Variants in UBE2L6 observed in about 807,000 individuals in gnomAD.
The protein encoded by UBE2L6 is ubiquitin/ISG15-conjugating enzyme E2 L6.
In UBE2L6, 11 loss-of-function variants were observed where a neutral mutation model predicts 13.6. The observed-to-expected ratio is 0.81, with a 90% confidence interval of 0.51 to 1.34. The LOEUF (loss-of-function observed/expected upper bound fraction) is 1.34, where lower values mean the gene tolerates loss of function less well. UBE2L6 is among the 40% of genes most tolerant of loss of function. UBE2L6 has a pLI of 0.00. For synonymous variants in UBE2L6, 74 were observed against 83.2 expected (o/e 0.89, Z 0.60); for missense variants, 197 against 199.5 (o/e 0.99, Z 0.07).
At position 57,552,133 on chromosome 11, in the gene UBE2L6, G is replaced by T. The variant is rs1009519567; in HGVS notation, c.*225C>A. The T allele has an allele frequency of 1.7e-6, 1 of 585,274 alleles. No individual in the cohort carries two copies. The highest frequency in any genetic ancestry group is 3.0e-6 in the Non-Finnish European group (1 of 338,644). 36.3% of individuals were successfully genotyped at this position (585,274 alleles called of 1,614,324 possible). On this transcript the variant is annotated 3_prime_UTR_variant, in exon 4 of 4. Transcript: ENST00000287156. ...TGGCTCTGGGGAATGTAAAGGGTGTGGGAAGGGTGCACCTGTGGCCAGGTG... is the reference window on the plus strand; with the variant it reads ...TGGCTCTGGGGAATGTAAAGGGTGTTGGAAGGGTGCACCTGTGGCCAGGTG...
rs35614262 is a variant in UBE2L6 at position 57,563,481 on chromosome 11, C to CA, written c.28-3050dup. 5.3e-3 allele frequency among the ~76,000 whole-genome samples: 609 copies of CA among 115,652 alleles called. 4 individuals carry two copies. The highest frequency in any genetic ancestry group is 0.018 in the Middle Eastern group (4 of 226). The allele number at this position is 115,652 out of a possible 152,430, so 75.9% of individuals were successfully genotyped here. A position where few individuals can be genotyped will look rare whatever the true frequency, so the allele number is the denominator to read the frequency against. ...GGGCAACAAGAGTGGAACTCTGTCTCAAAAAAAAAAAAAAAAGAAAGAAAG... is the reference window on the plus strand; with the variant it reads ...GGGCAACAAGAGTGGAACTCTGTCTCAAAAAAAAAAAAAAAAAGAAAGAAAG... On this transcript the variant is annotated intron_variant, in intron 1 of 3. Coordinates refer to ENST00000287156, the MANE Select transcript of UBE2L6 (RefSeq NM_004223.5).
chr11:57,562,245 A>G (rs1945053300), intron 1 of UBE2L6, among the ~76,000 whole-genome samples: 1 of 152,168 alleles, frequency 6.6e-6, no homozygotes, highest in Admixed American at 6.5e-5. Context: ...ATATCTGGGG[A>G]AAAGGGAGGG....
rs111996228 is a variant in UBE2L6, at chr11:57,554,576, G to C, written c.171C>G (p.Phe57Leu). The C allele has an allele frequency of 6.2e-7, 1 of 1,614,170 alleles. No homozygotes were observed. The highest frequency in any genetic ancestry group is 8.5e-7 in the Non-Finnish European group (1 of 1,180,018). ...GAGGCTTGAACGGATACTCCGGCGG[G>C]AAGCTGATGCGCAGGTTGAAGGCTT... ...HLKAFNLRIS[F>L]PPEYPFKPPM... Residue 57 changes from phenylalanine to leucine, a missense_variant, in exon 3 of 4, where the codon TTC becomes TTG. Phe to Leu is a conservative substitution (Grantham distance 22, BLOSUM62 0). Transcript: ENST00000287156.
Position 57,567,648 on chromosome 11 carries a change from A to G in UBE2L6, c.-37T>C, listed in dbSNP as rs1201419916. 2 of 1,597,658 alleles carry G rather than the reference A, an allele frequency of 1.3e-6. No individual in the cohort carries two copies. The highest frequency in any genetic ancestry group is 1.1e-5 in the South Asian group (1 of 88,112). On this transcript the variant is annotated 5_prime_UTR_variant, in exon 1 of 4. Coordinates refer to ENST00000287156, the MANE Select transcript of UBE2L6 (RefSeq NM_004223.5). ...GTGTGTGGCACCCGTGGCCTCCAGC[A>G]GGACCGAGCTCCGACCCGCGACACA...
chr11:57,560,911 C>T (rs894537990), intron 1 of UBE2L6, among the ~76,000 whole-genome samples: 2 of 151,696 alleles, frequency 1.3e-5, no homozygotes, highest in African/African-American at 2.4e-5. Context: ...TGAGCTACCG[C>T]GCCCAGCCGG....
At chr11:57,554,788 T>C (rs943287945) in intron 2 of UBE2L6, among the ~76,000 whole-genome samples, 165 bp from the exon 3 acceptor site, 2 of 152,186 alleles carry the variant, frequency 1.3e-5, no homozygotes, top group African/African-American at 4.8e-5. Flanking sequence ...TTAGTGAAAA[T>C]GTGAAATCAC....
chr11:57,563,201 C>G (rs1041592939), intron 1 of UBE2L6, among the ~76,000 whole-genome samples: 1 of 151,818 alleles, frequency 6.6e-6, no homozygotes, highest in African/African-American at 2.4e-5. Context: ...TCGAAAAATG[C>G]AATTGAGGCC....
chr11:57,561,301 A>T (rs1443002270), intron 1 of UBE2L6, among the ~76,000 whole-genome samples: 1 of 152,102 alleles, frequency 6.6e-6, no homozygotes, highest in East Asian at 1.9e-4. Flanking sequence ...GCAAGGAGTG[A>T]CTCATCTTCC....
chr11:57,560,326 TGGATACTCAC>T lies in UBE2L6; in HGVS notation c.123+1_123+10del, dbSNP rs1229188890. On this transcript the variant is annotated splice_donor_variant and splice_donor_5th_base_variant and intron_variant, in intron 2 of 3. Transcript: ENST00000287156. LOFTEE classifies it high-confidence loss of function. ...CCCCAATCCAAAGCCATGGTCCCCA[TGGATACTCAC>T]GGGTAGGAGGAGAGCGTGCCACACC... 6.2e-7 allele frequency: 1 copy of T among 1,612,322 alleles called. No homozygotes were observed. Among genetic ancestry groups the T allele is most frequent in the East Asian group, 2.2e-5 (1 of 44,886 alleles).
rs1047241144 is a variant in UBE2L6, at chr11:57,554,601, T to A, written c.146A>T (p.Lys49Ile). 2 of 1,614,114 alleles carry A rather than the reference T, an allele frequency of 1.2e-6. No homozygotes were observed. Among genetic ancestry groups the A allele is most frequent in the South Asian group, 2.2e-5 (2 of 91,076 alleles). ...LLPDQPPYHL[K>I]AFNLRISFPP... ...GAAGCTGATGCGCAGGTTGAAGGCT[T>A]TCAGGTGGTAGGGAGGTTGGTCCTG... Residue 49 changes from lysine to isoleucine, a missense_variant, in exon 3 of 4, where the codon AAA becomes ATA. Lys to Ile is a moderately radical substitution (Grantham distance 102). Transcript: ENST00000287156.
At chr11:57,567,707 C>A, upstream of UBE2L6, 1 of 1,462,858 alleles carries the variant, frequency 6.8e-7, no homozygotes, top group Non-Finnish European at 9.2e-7. Flanking sequence ...ACCCCACCCC[C>A]GGCAGCCCCG....
chr11:57,567,496 G>A (rs1945101944), intron 1 of UBE2L6, 89 bp downstream of exon 1: 1 of 1,541,894 alleles, frequency 6.5e-7, no homozygotes, highest in African/African-American at 1.4e-5. Context: ...AAATAAATGT[G>A]CTCGGAGAGC....
intron 2 of UBE2L6, among the ~76,000 whole-genome samples, chr11:57,556,753 G>A (rs185922438): frequency 2.7e-4 from 41 of 152,146 alleles, no homozygotes; most frequent in African/African-American, 8.9e-4. Context: ...AGGGTGCTGT[G>A]GTTGGATGTT....
chr11:57,559,481 C>T (rs1451017336), intron 2 of UBE2L6, among the ~76,000 whole-genome samples: 1 of 152,066 alleles, frequency 6.6e-6, no homozygotes, highest in Non-Finnish European at 1.5e-5. Context: ...CATAGTGGCA[C>T]GTGCCTGTAG....
At chr11:57,553,473 C>CA (rs1944974255) in intron 3 of UBE2L6, among the ~76,000 whole-genome samples, 1 of 150,376 alleles carries the variant, frequency 6.6e-6, no homozygotes, top group Non-Finnish European at 1.5e-5. Flanking sequence ...ACTGCCTGGG[C>CA]AATAGAGACA....
intron 1 of UBE2L6, chr11:57,566,957 CCCT>C (rs1306061533): frequency 9.1e-6 from 2 of 219,938 alleles, no homozygotes; most frequent in South Asian, 3.1e-5. Context: ...GCCCCCCCCC[CCCT>C]CCTAGAACAG....
At chr11:57,567,527 G>A (rs1356686392) in intron 1 of UBE2L6, 58 bp downstream of exon 1, 1 of 1,591,420 alleles carries the variant, frequency 6.3e-7, no homozygotes, top group Non-Finnish European at 8.5e-7. Context: ...ATGGAGGGAG[G>A]AGGGAATGCG....
At chr11:57,556,614 A>AAG (rs1944999673) in intron 2 of UBE2L6, among the ~76,000 whole-genome samples, 2 of 145,728 alleles carry the variant, frequency 1.4e-5, no homozygotes, top group African/African-American at 2.5e-5. Context: ...AAAAAAAAAA[A>AAG]AGAGAGATGG....
chr11:57,552,316 C>A lies in UBE2L6; in HGVS notation c.*42G>T. 6.2e-7 allele frequency: 1 copy of A among 1,609,870 alleles called. No homozygotes were observed. Among genetic ancestry groups the A allele is most frequent in the Non-Finnish European group, 8.5e-7 (1 of 1,177,142 alleles). Reference sequence around the variant, plus strand: ...CCTCAGTCCATGAGGTGTGTCCGTCCGCTATGCCGAGGATCCAGTGCACAG... The same window carrying A: ...CCTCAGTCCATGAGGTGTGTCCGTCAGCTATGCCGAGGATCCAGTGCACAG... On this transcript the variant is annotated 3_prime_UTR_variant, in exon 4 of 4. Transcript: ENST00000287156.
Sources: allele counts gnomAD v4.1 joint callset (sites outside exome capture counted in the v4.1 genomes callset), GRCh38; gene constraint gnomAD v4.1.1; transcripts MANE v1.5; gene names NCBI Gene and HGNC (gene_info 2026-07-23, HGNC 2026-07-21).